Variants in CACNB2 observed in about 807,000 individuals in gnomAD.
CACNB2 encodes voltage-dependent L-type calcium channel subunit beta-2.
CACNB2 carries 42 observed loss-of-function variants against 73.3 expected under a neutral mutation model. That is an observed-to-expected ratio of 0.57 (90% CI 0.45 to 0.74). CACNB2 has a LOEUF of 0.74. Among genes scored for constraint, CACNB2 ranks in the 30% least tolerant of loss-of-function variants. CACNB2 has a pLI of 0.00. For missense variants in CACNB2, 940 were observed against 853.0 expected, an observed-to-expected ratio of 1.10 and a Z score of -1.27; for synonymous variants, 348 against 310.3, an observed-to-expected ratio of 1.12 and a Z score of -1.28.
intron 2 of CACNB2, among the ~76,000 whole-genome samples, chr10:18,331,600 A>G (rs1256457027): frequency 6.6e-6 from 1 of 152,122 alleles, no homozygotes; most frequent in Non-Finnish European, 1.5e-5. Flanking sequence ...TTGTTCCTCC[A>G]ACATGTTACT....
intron 2 of CACNB2, among the ~76,000 whole-genome samples, chr10:18,358,496 C>T (rs1048201767): frequency 3.1e-5 from 4 of 131,026 alleles, no homozygotes; most frequent in East Asian, 2.6e-4. Context: ...CTAATGAGCA[C>T]GCTCTCTCTC....
At chr10:18,348,407 C>T (rs535751440) in intron 2 of CACNB2, among the ~76,000 whole-genome samples, 69 of 151,986 alleles carry the variant, frequency 4.5e-4, no homozygotes, top group Non-Finnish European at 8.4e-4. Flanking sequence ...AATACAGAGG[C>T]CCAAGGTGGT....
chr10:18,288,189 G>C (rs1157600753), intron 2 of CACNB2, among the ~76,000 whole-genome samples: 1 of 152,186 alleles, frequency 6.6e-6, no homozygotes, highest in Non-Finnish European at 1.5e-5. Context: ...GAGGTCCTAA[G>C]GCCTAGAATT....
chr10:18,302,174 A>T (rs1054947594), intron 2 of CACNB2, among the ~76,000 whole-genome samples: 1 of 152,160 alleles, frequency 6.6e-6, no homozygotes, highest in Non-Finnish European at 1.5e-5. Flanking sequence ...TCACTCATTT[A>T]GCAGTCAAAG....
At chr10:18,142,350 A>T (rs2030504914) in intron 1 of CACNB2, among the ~76,000 whole-genome samples, 1 of 152,230 alleles carries the variant, frequency 6.6e-6, no homozygotes, top group African/African-American at 2.4e-5. Context: ...GAGTAGGGAC[A>T]TGTAATGAAC....
intron 2 of CACNB2, among the ~76,000 whole-genome samples, chr10:18,189,479 G>A (rs185229930): frequency 6.6e-6 from 1 of 152,172 alleles, no homozygotes; most frequent in East Asian, 1.9e-4. Context: ...TATTTGCATT[G>A]TTCAGTAGCT....
intron 2 of CACNB2, among the ~76,000 whole-genome samples, chr10:18,384,505 C>T (rs547673941): frequency 2.0e-5 from 3 of 152,008 alleles, no homozygotes; most frequent in African/African-American, 4.8e-5. Flanking sequence ...GGGGGTAGAT[C>T]GCTTGAGCTC....
chr10:18,425,814 G>T (rs896534923), intron 3 of CACNB2, among the ~76,000 whole-genome samples: 5 of 152,048 alleles, frequency 3.3e-5, no homozygotes, highest in African/African-American at 4.8e-5. Context: ...TTTTGTATAA[G>T]GAGTGAGATA....
intron 7 of CACNB2, among the ~76,000 whole-genome samples, chr10:18,515,710 C>T (rs1193703504): frequency 1.3e-5 from 2 of 152,200 alleles, no homozygotes; most frequent in African/African-American, 2.4e-5. Context: ...TTTCTGGGGT[C>T]CGATCTTCTT....
rs117151171 is a variant in CACNB2 at position 18,471,863 on chromosome 10, A to T, written c.334-26492A>T. ...ATGATGAAATCTGTAAAGATGTTTTAAAAATTGTAAATACCTCTACAAATA... is the reference window on the plus strand; with the variant it reads ...ATGATGAAATCTGTAAAGATGTTTTTAAAATTGTAAATACCTCTACAAATA... On this transcript the variant is annotated intron_variant, in intron 3 of 13. Transcript: ENST00000324631. 5.7e-3 allele frequency among the ~76,000 whole-genome samples: 871 copies of T among 152,326 alleles called. 3 individuals carry two copies. The highest frequency in any genetic ancestry group is 0.01 in the Non-Finnish European group (705 of 68,036).
At chr10:18,329,504 G>GAAA (rs11413915) in intron 2 of CACNB2, among the ~76,000 whole-genome samples, 3 of 112,510 alleles carry the variant, frequency 2.7e-5, no homozygotes, top group Admixed American at 9.2e-5. Flanking sequence ...AGTAAAAAAA[G>GAAA]AAAAAAAAAA....
chr10:18,533,721 G>T (rs2053288467), intron 10 of CACNB2, among the ~76,000 whole-genome samples: 1 of 152,174 alleles, frequency 6.6e-6, no homozygotes, highest in Non-Finnish European at 1.5e-5. Context: ...GGTCTGCAAT[G>T]AACACACGGA....
chr10:18,474,360 C>G (rs868822451), intron 3 of CACNB2, among the ~76,000 whole-genome samples: 3 of 152,150 alleles, frequency 2.0e-5, no homozygotes, highest in African/African-American at 7.2e-5. Flanking sequence ...TGTGACAGGT[C>G]TCAATCAATG....
intron 7 of CACNB2, among the ~76,000 whole-genome samples, chr10:18,515,784 G>A (rs539954783): frequency 6.6e-6 from 1 of 152,264 alleles, no homozygotes; most frequent in Admixed American, 6.5e-5. Context: ...TTAGAAAATC[G>A]GCATCGCTAA....
At chr10:18,299,840 C>T (rs755730057) in intron 2 of CACNB2, among the ~76,000 whole-genome samples, 1 of 152,090 alleles carries the variant, frequency 6.6e-6, no homozygotes, top group Non-Finnish European at 1.5e-5. Flanking sequence ...AGAGATGTCA[C>T]GAGAAAGAGC....
At chr10:18,538,906 T>C (rs1351788950) in intron 13 of CACNB2, among the ~76,000 whole-genome samples, 3 of 151,822 alleles carry the variant, frequency 2.0e-5, no homozygotes, top group South Asian at 2.1e-4. Flanking sequence ...CACCGCTGTA[T>C]AGAAAAATCT....
At chr10:18,476,951 C>G (rs2048471415) in intron 3 of CACNB2, among the ~76,000 whole-genome samples, 1 of 150,898 alleles carries the variant, frequency 6.6e-6, no homozygotes, top group African/African-American at 2.4e-5. Context: ...ACCCGGGAGG[C>G]AGAGATAGCA....
chr10:18,466,982 T>C (rs1297178552), intron 3 of CACNB2, among the ~76,000 whole-genome samples: 1 of 152,060 alleles, frequency 6.6e-6, no homozygotes, highest in Non-Finnish European at 1.5e-5. Flanking sequence ...GGTGAAATCC[T>C]GTCTCTACTA....
Position 18,506,511 on chromosome 10 carries a change from G to A in CACNB2, c.634G>A (p.Val212Ile). The A allele has an allele frequency of 6.2e-7, 1 of 1,612,222 alleles. No homozygotes were observed. The highest frequency in any genetic ancestry group is 2.2e-5 in the East Asian group (1 of 44,786). The change falls in exon 6 of 14, where the codon GTA becomes ATA. Residue 212 changes from valine to isoleucine, a missense_variant. Transcript: ENST00000324631. Reference protein sequence around the residue: ...GNSSSSLGDIVPSSRKSTPPS... With the variant: ...GNSSSSLGDIIPSSRKSTPPS... ...TTCATCATCCAGTTTGGGTGACATA[G>A]TACCTAGTTCCAGAAAATCAACACC... is the stretch of plus-strand genomic sequence containing the variant.
Sources: allele counts gnomAD v4.1 joint callset (sites outside exome capture counted in the v4.1 genomes callset), GRCh38; gene constraint gnomAD v4.1.1; transcripts MANE v1.5; gene names NCBI Gene and HGNC (gene_info 2026-07-23, HGNC 2026-07-21).